Variants in C11orf97 observed in about 807,000 individuals in gnomAD.
C11orf97 encodes uncharacterized protein C11orf97.
A neutral mutation model predicts 16.2 loss-of-function variants in C11orf97; 15 were observed. The observed-to-expected ratio is 0.93, with a 90% CI of 0.62 to 1.43. C11orf97 has a LOEUF of 1.43. C11orf97 is among the 40% of genes most tolerant of loss of function. The probability of loss-of-function intolerance (pLI) is 0.00; values close to 1 mark genes in which losing one functional copy is unlikely to be tolerated. For synonymous variants in C11orf97, 61 were observed against 65.7 expected (o/e 0.93, Z 0.34); for missense variants, 171 against 161.2 (o/e 1.06, Z -0.33).
intron 2 of C11orf97, among the ~76,000 whole-genome samples, chr11:94,525,388 A>G (rs577120601): frequency 2.6e-5 from 4 of 152,364 alleles, no homozygotes; most frequent in South Asian, 4.1e-4. Context: ...GAGTGTCTAC[A>G]TGTGCGTTAA....
chr11:94,522,300 C>T (rs1215588687), intron 2 of C11orf97, among the ~76,000 whole-genome samples: 3 of 152,218 alleles, frequency 2.0e-5, no homozygotes, highest in African/African-American at 7.2e-5. Flanking sequence ...CTTTAGGAGG[C>T]TGAGACGGGC....
chr11:94,512,540 G>A lies in C11orf97; in HGVS notation c.12G>A (p.Glu4=). Residue 4 remains glutamate (E), a synonymous_variant, in exon 1 of 4, where the codon GAG becomes GAA. Coordinates refer to ENST00000542198, the MANE Select transcript of C11orf97 (RefSeq NM_001190462.2). The part of the protein sequence containing the change: MTG[E]EAVVVTAVVA... Reference sequence around the variant, plus strand: ...AAGACCGCTGCGGCATGACAGGCGAGGAGGCGGTGGTGGTGACCGCAGTGG... The same window carrying A: ...AAGACCGCTGCGGCATGACAGGCGAAGAGGCGGTGGTGGTGACCGCAGTGG... 3 of 1,310,990 alleles carry A rather than the reference G, an allele frequency of 2.3e-6. No individual in the cohort carries two copies. Among genetic ancestry groups the A allele is most frequent in the Non-Finnish European group, 2.9e-6 (3 of 1,029,358 alleles). The allele number at this position is 1,310,990 out of a possible 1,614,324, so 81.2% of individuals were successfully genotyped here. A position where few individuals can be genotyped will look rare whatever the true frequency, so the allele number is the denominator to read the frequency against.
At chr11:94,531,314 T>G (rs1298197322) in intron 3 of C11orf97, among the ~76,000 whole-genome samples, 1 of 151,894 alleles carries the variant, frequency 6.6e-6, no homozygotes. Flanking sequence ...TGACGCACGC[T>G]TCTAGTCCCA....
chr11:94,526,075 A>T (rs1484681139), intron 2 of C11orf97, among the ~76,000 whole-genome samples: 1 of 152,004 alleles, frequency 6.6e-6, no homozygotes, highest in Non-Finnish European at 1.5e-5. Flanking sequence ...TTTCTTTTTC[A>T]GTTGAGAGGA....
At chr11:94,525,601 T>A (rs1947694806) in intron 2 of C11orf97, among the ~76,000 whole-genome samples, 1 of 152,168 alleles carries the variant, frequency 6.6e-6, no homozygotes, top group Non-Finnish European at 1.5e-5. Context: ...GCACCCAAAA[T>A]ATAGGAGGAA....
chr11:94,515,005 C>A (rs1390686220), intron 1 of C11orf97, among the ~76,000 whole-genome samples: 1 of 152,156 alleles, frequency 6.6e-6, no homozygotes, highest in African/African-American at 2.4e-5. Flanking sequence ...CTTCTTCCAA[C>A]AATCTCCAGT....
chr11:94,514,707 C>T (rs150232590), intron 1 of C11orf97, among the ~76,000 whole-genome samples: 122 of 142,732 alleles, frequency 8.5e-4, no homozygotes, highest in African/African-American at 3.1e-3. Flanking sequence ...TACAGTGGCG[C>T]GATCTCGGCT....
chr11:94,520,553 G>T (rs1486732361), intron 2 of C11orf97, among the ~76,000 whole-genome samples: 3 of 151,976 alleles, frequency 2.0e-5, no homozygotes, highest in African/African-American at 7.3e-5. Flanking sequence ...TGTCCAATAG[G>T]CCTCTCAACC....
intron 3 of C11orf97, among the ~76,000 whole-genome samples, chr11:94,530,934 G>C (rs187719980): frequency 1.3e-5 from 2 of 152,298 alleles, no homozygotes; most frequent in East Asian, 3.9e-4. Context: ...CATAAAATAT[G>C]CTTCAGTTAG....
At position 94,512,507 on chromosome 11, in the gene C11orf97, G is replaced by A. The variant is rs1591743859; in HGVS notation, c.-22G>A. The A allele has an allele frequency of 2.3e-6, 3 of 1,287,882 alleles. No individual in the cohort carries two copies. 79.8% of individuals were successfully genotyped at this position (1,287,882 alleles called of 1,614,324 possible). A position where few individuals can be genotyped will look rare whatever the true frequency, so the allele number is the denominator to read the frequency against. ...AGCTGAGAAGGAAACCGTGCCCAGG[G>A]CTCTCGGAAGACCGCTGCGGCATGA... On this transcript the variant is annotated 5_prime_UTR_variant, in exon 1 of 4. Coordinates refer to ENST00000542198, the MANE Select transcript of C11orf97 (RefSeq NM_001190462.2).
intron 2 of C11orf97, among the ~76,000 whole-genome samples, chr11:94,520,686 T>C (rs1265775778): frequency 6.6e-6 from 1 of 152,142 alleles, no homozygotes; most frequent in African/African-American, 2.4e-5. Context: ...AAACTCCGTA[T>C]CCAGTCTATC....
chr11:94,526,618 G>A (rs897760058), intron 2 of C11orf97, among the ~76,000 whole-genome samples: 35 of 152,090 alleles, frequency 2.3e-4, no homozygotes, highest in African/African-American at 8.2e-4. Context: ...ATGCACTGGG[G>A]GTATTGAATA....
rs1233423394 is a variant in C11orf97 at position 94,531,918 on chromosome 11, A to G, written c.*18A>G. On this transcript the variant is annotated 3_prime_UTR_variant, in exon 4 of 4. Coordinates refer to ENST00000542198, the MANE Select transcript of C11orf97 (RefSeq NM_001190462.2). ...TAGGATAAGATGAATTAGATTTTCC[A>G]TTAAGAAGGAACCTCTTTCTGCTGA... is the stretch of plus-strand genomic sequence containing the variant. 1.9e-5 allele frequency: 28 copies of G among 1,463,692 alleles called. No individual in the cohort carries two copies. The highest frequency in any genetic ancestry group is 2.9e-5 in the African/African-American group (2 of 69,260). The allele number at this position is 1,463,692 out of a possible 1,614,324, so 90.7% of individuals were successfully genotyped here.
intron 1 of C11orf97, among the ~76,000 whole-genome samples, chr11:94,514,639 CCT>C (rs373207476): frequency 3.3e-5 from 4 of 122,288 alleles, no homozygotes; most frequent in Non-Finnish European, 6.7e-5. Context: ...TTTATTTTTG[CCT>C]TTTTTTTTTT....
intron 1 of C11orf97, among the ~76,000 whole-genome samples, chr11:94,517,202 T>C (rs1266903421): frequency 8.5e-5 from 13 of 152,350 alleles, no homozygotes; most frequent in Middle Eastern, 3.4e-3. Flanking sequence ...TACACACATC[T>C]GTCTTACTCA....
chr11:94,518,183 T>A (rs561523960), intron 2 of C11orf97, among the ~76,000 whole-genome samples: 8 of 146,516 alleles, frequency 5.5e-5, no homozygotes, highest in African/African-American at 1.8e-4. Context: ...GATATCAATA[T>A]GTACTTTGCT....
intron 2 of C11orf97, among the ~76,000 whole-genome samples, chr11:94,524,705 T>A (rs1947686216): frequency 6.6e-6 from 1 of 152,118 alleles, no homozygotes; most frequent in African/African-American, 2.4e-5. Flanking sequence ...ATGTCCATCA[T>A]TCATGTATTC....
intron 2 of C11orf97, among the ~76,000 whole-genome samples, chr11:94,525,101 T>C (rs1947689768): frequency 6.6e-6 from 1 of 151,606 alleles, no homozygotes; most frequent in South Asian, 2.1e-4. Flanking sequence ...AAGAAAAATG[T>C]AGGCTTATGA....
chr11:94,521,414 G>A (rs188177522), intron 2 of C11orf97, among the ~76,000 whole-genome samples: 14 of 152,324 alleles, frequency 9.2e-5, no homozygotes, highest in South Asian at 4.1e-4. Flanking sequence ...GCCATGAGCC[G>A]CAGCTTCTAG....
Sources: gnomAD v4.1 joint callset for allele counts (sites outside exome capture counted in the v4.1 genomes callset) on GRCh38, gnomAD v4.1.1 for gene constraint, MANE v1.5 for transcripts, NCBI Gene and HGNC (gene_info 2026-07-23, HGNC 2026-07-21) for gene names.